The following PLD5 variants were observed in gnomAD, a reference collection of about 807,000 sequenced individuals.
PLD5 encodes the protein inactive phospholipase D5.
In PLD5, 36 loss-of-function variants were observed where a neutral mutation model predicts 61.1. That is an observed-to-expected ratio of 0.59 (90% CI 0.45 to 0.78). PLD5 has a LOEUF of 0.78. PLD5 is among the 30% of genes least tolerant of loss of function. The probability of loss-of-function intolerance (pLI) is 0.00; values close to 1 mark genes in which losing one functional copy is unlikely to be tolerated. For missense variants in PLD5, 515 were observed against 644.4 expected, an observed-to-expected ratio of 0.80 and a Z score of 2.17; for synonymous variants, 243 against 242.8, an observed-to-expected ratio of 1.00 and a Z score of -0.01.
intron 5 of PLD5, among the ~76,000 whole-genome samples, chr1:242,189,047 A>C (rs1331538077): frequency 6.6e-6 from 1 of 152,256 alleles, no homozygotes; most frequent in Non-Finnish European, 1.5e-5. Context: ...TGTCCTTTAA[A>C]ATCAAAAGCA....
intron 1 of PLD5, among the ~76,000 whole-genome samples, chr1:242,399,650 A>T (rs1394140244): frequency 6.6e-6 from 1 of 152,162 alleles, no homozygotes; most frequent in Non-Finnish European, 1.5e-5. Context: ...GCATTAAAAA[A>T]AAAAGAATTG....
At chr1:242,272,699 A>T (rs1286004046) in intron 3 of PLD5, among the ~76,000 whole-genome samples, 1 of 152,156 alleles carries the variant, frequency 6.6e-6, no homozygotes, top group Non-Finnish European at 1.5e-5. Context: ...GAAAGCTATG[A>T]ATAGGTGGGT....
intron 5 of PLD5, among the ~76,000 whole-genome samples, chr1:242,143,174 C>T (rs1664302352): frequency 6.6e-6 from 1 of 152,108 alleles, no homozygotes; most frequent in African/African-American, 2.4e-5. Context: ...ACTACAGGCA[C>T]CTGCCACGAC....
At chr1:242,421,703 T>A (rs1665155449) in intron 1 of PLD5, among the ~76,000 whole-genome samples, 1 of 152,222 alleles carries the variant, frequency 6.6e-6, no homozygotes, top group Non-Finnish European at 1.5e-5. Flanking sequence ...TTTCAGACAT[T>A]AAGTCCTAGT....
chr1:242,382,198 G>A (rs933520646), intron 1 of PLD5, among the ~76,000 whole-genome samples: 2 of 151,614 alleles, frequency 1.3e-5, no homozygotes, highest in African/African-American at 4.8e-5. Flanking sequence ...ATCGAGGGTT[G>A]TATTTTGGAA....
At chr1:242,374,742 C>G (rs1465660586) in intron 1 of PLD5, among the ~76,000 whole-genome samples, 1 of 152,192 alleles carries the variant, frequency 6.6e-6, no homozygotes, top group Non-Finnish European at 1.5e-5. Context: ...TTTCCTCTCT[C>G]CATCTATTAG....
rs553047342 is a variant in PLD5, at chr1:242,304,906, C to T, written c.327-16376G>A. On this transcript the variant is annotated intron_variant, in intron 2 of 9. Transcript: ENST00000536534. ...ATCGCTTGTGCCCAGCAGTTCAAGA[C>T]CAGCCTGGGCAACATGGTGAAACCC... Among the ~76,000 whole-genome samples, 4 of 152,222 alleles carry T rather than the reference C, an allele frequency of 2.6e-5. No individual in the cohort carries two copies. In the East Asian group the frequency reaches 7.7e-4, roughly 29 times the overall value.
intron 1 of PLD5, among the ~76,000 whole-genome samples, chr1:242,349,677 G>A (rs1660363229): frequency 6.6e-6 from 1 of 152,124 alleles, no homozygotes; most frequent in South Asian, 2.1e-4. Context: ...GGGGCTCATG[G>A]CTAAAAGTGG....
chr1:242,483,596 A>C lies in PLD5; in HGVS notation c.189+40492T>G, dbSNP rs538970945. Among the ~76,000 whole-genome samples, 349 of 152,300 alleles carry C rather than the reference A, an allele frequency of 2.3e-3. 1 individual carries two copies. Among genetic ancestry groups the C allele is most frequent in the African/African-American group, 8.1e-3 (336 of 41,554 alleles). Reference sequence around the variant, plus strand: ...GACCTACAAAGAGACTTAGACTCCCACACAGTAATAATGGGAGACTTTAAC... The same window carrying C: ...GACCTACAAAGAGACTTAGACTCCCCCACAGTAATAATGGGAGACTTTAAC... On this transcript the variant is annotated intron_variant, in intron 1 of 9. Coordinates refer to ENST00000536534, the MANE Select transcript of PLD5 (RefSeq NM_001372062.1).
chr1:242,194,610 C>CTATCTATCTATCTATG lies in PLD5; in HGVS notation c.735+25377_735+25378insCATAGATAGATAGATA, dbSNP rs1558328654. ...TCTATCTATCTATCTATCTATGTAT[C>CTATCTATCTATCTATG]TATCTATGTATCTATCTATCTATCT... On this transcript the variant is annotated intron_variant, in intron 5 of 9. Transcript: ENST00000536534. 2.7e-3 allele frequency among the ~76,000 whole-genome samples: 209 copies of CTATCTATCTATCTATG among 78,528 alleles called. 6 individuals are homozygous for CTATCTATCTATCTATG. Among genetic ancestry groups the CTATCTATCTATCTATG allele is most frequent in the East Asian group, 6.9e-4 (1 of 1,442 alleles). 51.5% of individuals were successfully genotyped at this position (78,528 alleles called of 152,430 possible).
intron 1 of PLD5, among the ~76,000 whole-genome samples, chr1:242,481,257 G>A (rs1317170556): frequency 3.3e-5 from 5 of 152,178 alleles, no homozygotes; most frequent in African/African-American, 9.7e-5. Context: ...AAAGCAGGGC[G>A]AGGCATCACC....
Position 242,142,723 on chromosome 1 carries a change from TC to T in PLD5, c.736-18059del, listed in dbSNP as rs1558266388. ...GTGTAGAGCTGTGTCTTTCTCTCTC[TC>T]TCTCTCTCTCTCTCTCTCTCTGTCT... On this transcript the variant is annotated intron_variant, in intron 5 of 9. Coordinates refer to ENST00000536534, the MANE Select transcript of PLD5 (RefSeq NM_001372062.1). Among the ~76,000 whole-genome samples the T allele has an allele frequency of 1.6e-3, 241 of 151,204 alleles. 2 individuals carry two copies. The highest frequency in any genetic ancestry group is 5.0e-3 in the African/African-American group (204 of 41,180).
intron 5 of PLD5, among the ~76,000 whole-genome samples, chr1:242,183,311 CTG>C (rs202133935): frequency 0.013 from 2,033 of 152,222 alleles, 30 homozygotes; most frequent in Non-Finnish European, 0.018. Flanking sequence ...TATCCAATGA[CTG>C]TCAAATATTA....
intron 5 of PLD5, among the ~76,000 whole-genome samples, chr1:242,148,061 GT>G (rs935677551): frequency 6.6e-6 from 1 of 151,958 alleles, no homozygotes; most frequent in African/African-American, 2.4e-5. Flanking sequence ...TATAGATCAT[GT>G]TTTGAAAATT....
chr1:242,222,244 GGTCACA>G (rs1461084791), intron 4 of PLD5, among the ~76,000 whole-genome samples: 2 of 152,128 alleles, frequency 1.3e-5, no homozygotes, highest in African/African-American at 4.8e-5. Flanking sequence ...TTTCAAGTAA[GGTCACA>G]GTCTGCAGTT....
intron 5 of PLD5, among the ~76,000 whole-genome samples, chr1:242,209,864 G>A (rs1188375836): frequency 1.3e-5 from 2 of 152,092 alleles, no homozygotes; most frequent in Non-Finnish European, 2.9e-5. Flanking sequence ...GTGCAATCTT[G>A]GCTCACTGCA....
Position 242,524,372 on chromosome 1 carries a change from CGGAGGTGGAGCT to C in PLD5, c.-108_-97del, listed in dbSNP as rs1298270654. 4.2e-6 allele frequency: 5 copies of C among 1,203,622 alleles called. No homozygotes were observed. Among genetic ancestry groups the C allele is most frequent in the African/African-American group, 1.6e-5 (1 of 61,486 alleles). 74.6% of individuals were successfully genotyped at this position (1,203,622 alleles called of 1,614,324 possible). On this transcript the variant is annotated 5_prime_UTR_variant, in exon 1 of 10. Coordinates refer to ENST00000536534, the MANE Select transcript of PLD5 (RefSeq NM_001372062.1). Reference sequence around the variant, plus strand: ...GGCGAGCGGGAGGCCCAGCGGGAGCCGGAGGTGGAGCTGGAGACTGAGCTGGAGGAGCTGGAG... The same window carrying C: ...GGCGAGCGGGAGGCCCAGCGGGAGCCGGAGACTGAGCTGGAGGAGCTGGAG...
chr1:242,391,302 A>G (rs901372641), intron 1 of PLD5, among the ~76,000 whole-genome samples: 1 of 152,236 alleles, frequency 6.6e-6, no homozygotes, highest in African/African-American at 2.4e-5. Context: ...GCAGTTTAGT[A>G]TGGGAGTTCA....
At chr1:242,296,886 A>T (rs1436311457) in intron 2 of PLD5, among the ~76,000 whole-genome samples, 2 of 150,696 alleles carry the variant, frequency 1.3e-5, no homozygotes. Flanking sequence ...GGCCCAGCTA[A>T]TTATTTATTT....
Sources: gnomAD v4.1 joint callset for allele counts (sites outside exome capture counted in the v4.1 genomes callset) on GRCh38, gnomAD v4.1.1 for gene constraint, MANE v1.5 for transcripts, NCBI Gene and HGNC (gene_info 2026-07-23, HGNC 2026-07-21) for gene names.